VPS53: variants seen among roughly 807,000 people sequenced by gnomAD.
The protein encoded by VPS53 is vacuolar protein sorting-associated protein 53 homolog.
A neutral mutation model predicts 107.0 loss-of-function variants in VPS53; 70 were observed. The ratio of observed to expected loss-of-function variants is 0.65; its 90% CI spans 0.54 to 0.80. The LOEUF is 0.80. VPS53 is among the 30% of genes least tolerant of loss of function. The probability of loss-of-function intolerance (pLI) is 0.00; values close to 1 mark genes in which losing one functional copy is unlikely to be tolerated. For synonymous variants in VPS53, 409 were observed against 393.3 expected, an observed-to-expected ratio of 1.04 and a Z score of -0.47; for missense variants, 917 against 1,049.4, an observed-to-expected ratio of 0.87 and a Z score of 1.74.
Position 587,815 on chromosome 17 carries a change from T to A in VPS53, c.1219-1451A>T, listed in dbSNP as rs190583895. Among the ~76,000 whole-genome samples the A allele has an allele frequency of 1.0e-3, 155 of 152,324 alleles. 1 individual carries two copies. Among genetic ancestry groups the A allele is most frequent in the African/African-American group, 3.5e-3 (145 of 41,578 alleles). On this transcript the variant is annotated intron_variant, in intron 12 of 21. Transcript: ENST00000437048. ...TGGCACCCACAACATACTTGTTAAATTGAACTACTCATATCTTATTTTTTA... is the reference window on the plus strand; with the variant it reads ...TGGCACCCACAACATACTTGTTAAAATGAACTACTCATATCTTATTTTTTA...
rs916040118 is a variant in VPS53, at chr17:560,315, G to A, written c.1704+111C>T. The A allele has an allele frequency of 2.9e-6, 4 of 1,403,172 alleles. No homozygotes were observed. In the African/African-American group the frequency reaches 4.3e-5, roughly 15 times the overall value. The allele number at this position is 1,403,172 out of a possible 1,614,324, so 86.9% of individuals were successfully genotyped here. ...TCCTCTGTGGCAGGCCAACTGGTCTGACCCAAGGTTGTCTGTGGCCATGTT... is the reference window on the plus strand; with the variant it reads ...TCCTCTGTGGCAGGCCAACTGGTCTAACCCAAGGTTGTCTGTGGCCATGTT... On this transcript the variant is annotated intron_variant, in intron 15 of 21. Transcript: ENST00000437048.
At chr17:694,454 C>T (rs942768053) in intron 4 of VPS53, among the ~76,000 whole-genome samples, 1 of 152,144 alleles carries the variant, frequency 6.6e-6, no homozygotes, top group Non-Finnish European at 1.5e-5. Context: ...CATGACCCAA[C>T]AAAAAATGCC....
intron 15 of VPS53, 25 bp from the exon 16 acceptor site, chr17:553,487 T>C (rs763088616): frequency 1.6e-5 from 25 of 1,548,600 alleles, no homozygotes; most frequent in Non-Finnish European, 3.6e-6. Flanking sequence ...AAGAAATGGA[T>C]GCACGGTTAA....
chr17:577,714 C>T (rs528656892), intron 13 of VPS53, among the ~76,000 whole-genome samples: 35 of 151,160 alleles, frequency 2.3e-4, no homozygotes, highest in African/African-American at 8.3e-4. Flanking sequence ...TTCCTAAGCA[C>T]GTAATTCATT....
At chr17:705,362 G>T (rs1973361103) in intron 2 of VPS53, among the ~76,000 whole-genome samples, 1 of 152,004 alleles carries the variant, frequency 6.6e-6, no homozygotes, top group African/African-American at 2.4e-5. Context: ...GCTGAGGCAG[G>T]AGGGTGGCTT....
chr17:673,048 C>A (rs1485159384), intron 4 of VPS53, among the ~76,000 whole-genome samples: 1 of 148,764 alleles, frequency 6.7e-6, no homozygotes, highest in Middle Eastern at 3.5e-3. Context: ...GGAGGTGGAG[C>A]TTGCAGTGAG....
chr17:708,925 T>A (rs535433017), intron 2 of VPS53, among the ~76,000 whole-genome samples: 2 of 152,376 alleles, frequency 1.3e-5, no homozygotes, highest in Non-Finnish European at 2.9e-5. Flanking sequence ...GAACAGGTTG[T>A]GCCTTCAGTC....
intron 18 of VPS53, among the ~76,000 whole-genome samples, chr17:534,130 G>A (rs1180827468): frequency 7.2e-5 from 11 of 152,186 alleles, no homozygotes; most frequent in Admixed American, 2.0e-4. Flanking sequence ...GTGAGCCACC[G>A]CGCCCAGCCA....
chr17:628,006 G>A (rs1490797940), intron 9 of VPS53, 82 bp downstream of exon 9: 20 of 1,355,270 alleles, frequency 1.5e-5, no homozygotes, highest in Non-Finnish European at 1.7e-5. Context: ...TGTAATACGA[G>A]GTCTAAATTA....
chr17:669,365 G>A (rs1462079460), intron 4 of VPS53, among the ~76,000 whole-genome samples: 1 of 152,022 alleles, frequency 6.6e-6, no homozygotes, highest in South Asian at 2.1e-4. Flanking sequence ...GGCTGACGGT[G>A]GATTACTTGA....
At chr17:709,500 T>C (rs1479463958) in intron 2 of VPS53, among the ~76,000 whole-genome samples, 6 of 152,226 alleles carry the variant, frequency 3.9e-5, no homozygotes, top group Non-Finnish European at 5.9e-5. Context: ...GTGATTTTCC[T>C]TGGAAGAACT....
chr17:622,762 C>T (rs959412323), intron 11 of VPS53, among the ~76,000 whole-genome samples: 1 of 151,956 alleles, frequency 6.6e-6, no homozygotes, highest in Non-Finnish European at 1.5e-5. Flanking sequence ...CACTCTGTCA[C>T]TCATCATAGC....
chr17:702,805 T>C (rs1331834137), intron 2 of VPS53, among the ~76,000 whole-genome samples: 1 of 152,220 alleles, frequency 6.6e-6, no homozygotes, highest in Non-Finnish European at 1.5e-5. Flanking sequence ...GCATTTAATG[T>C]GGATCTCCTA....
chr17:704,676 A>T (rs937963527), intron 2 of VPS53, among the ~76,000 whole-genome samples: 4 of 152,242 alleles, frequency 2.6e-5, no homozygotes, highest in Non-Finnish European at 5.9e-5. Flanking sequence ...AAGAAACGTG[A>T]CTGTACATTA....
At chr17:552,265 T>A (rs1428567825) in intron 16 of VPS53, among the ~76,000 whole-genome samples, 19 of 152,308 alleles carry the variant, frequency 1.2e-4, no homozygotes, top group Non-Finnish European at 1.5e-5. Context: ...AATAAAAAGC[T>A]AAGAAAAGTG....
chr17:651,346 T>G (rs1417770044), intron 7 of VPS53, among the ~76,000 whole-genome samples: 1 of 152,220 alleles, frequency 6.6e-6, no homozygotes, highest in Non-Finnish European at 1.5e-5. Context: ...TGGAACCAGG[T>G]GCAGTGGCTC....
chr17:570,197 T>G lies in VPS53; in HGVS notation c.1314-7452A>C, dbSNP rs576700595. On this transcript the variant is annotated intron_variant, in intron 13 of 21. Coordinates refer to ENST00000437048, the MANE Select transcript of VPS53 (RefSeq NM_001128159.3). ...TCCTGACCAACATGGCAAAACCCTG[T>G]CTCTACTAAAAAAAAGACAAAAATT... 4.0e-5 allele frequency among the ~76,000 whole-genome samples: 6 copies of G among 151,228 alleles called. No individual in the cohort carries two copies. In the East Asian group the frequency reaches 1.2e-3, roughly 30 times the overall value.
At chr17:567,668 G>T (rs758061338) in intron 13 of VPS53, among the ~76,000 whole-genome samples, 29 of 146,782 alleles carry the variant, frequency 2.0e-4, no homozygotes, top group Non-Finnish European at 2.8e-4. Flanking sequence ...GCATGGCTAG[G>T]AGGAGGCCAG....
chr17:685,937 A>C (rs574234965), intron 4 of VPS53, among the ~76,000 whole-genome samples: 1 of 152,224 alleles, frequency 6.6e-6, no homozygotes, highest in East Asian at 1.9e-4. Flanking sequence ...GTTTGAGGCC[A>C]GGAGTTTGAG....
Sources: allele counts gnomAD v4.1 joint callset (sites outside exome capture counted in the v4.1 genomes callset), GRCh38; gene constraint gnomAD v4.1.1; transcripts MANE v1.5; gene names NCBI Gene and HGNC (gene_info 2026-07-23, HGNC 2026-07-21).